TMC5: variants seen among roughly 807,000 people sequenced by gnomAD.
TMC5 encodes transmembrane channel like 5, also known as transmembrane channel-like protein 5.
A neutral mutation model predicts 110.5 loss-of-function variants in TMC5; 86 were observed. That is an observed-to-expected ratio of 0.78 (90% CI 0.65 to 0.93). The LOEUF (loss-of-function observed/expected upper bound fraction) is 0.93. Among genes scored for constraint, TMC5 ranks in the 40% least tolerant of loss-of-function variants. The pLI is 0.00. For missense variants in TMC5, 1,144 were observed against 1,222.8 expected (o/e 0.94, Z 0.96); for synonymous variants, 455 against 439.5 (o/e 1.04, Z -0.44).
chr16:19,485,824 CT>C lies in TMC5; in HGVS notation c.2364-1117del, dbSNP rs1393461548. Among the ~76,000 whole-genome samples, 3 of 152,194 alleles carry C rather than the reference CT, an allele frequency of 2.0e-5. No homozygotes were observed. In the South Asian group the frequency reaches 6.2e-4, roughly 31 times the overall value. ...TCTAGAACCACACTGAGATTTTCTC[CT>C]TTTGTTGCTCACGAGCACCGCGGGA... On this transcript the variant is annotated intron_variant, in intron 15 of 21. Transcript: ENST00000542583.
chr16:19,416,207 G>A (rs1490344728), upstream of TMC5, among the ~76,000 whole-genome samples: 3 of 150,156 alleles, frequency 2.0e-5, no homozygotes, highest in African/African-American at 5.0e-5. Context: ...AAAAAAAAGA[G>A]GAACGGTAAC....
Position 19,455,664 on chromosome 16 carries a change from T to C in TMC5, c.1049-4571T>C, listed in dbSNP as rs143046638. Reference sequence around the variant, plus strand: ...GCAAACTGTCCCCTTAGAAAGAGCATTCCTGGAAGCCACAAGTCTCATTGG... The same window carrying C: ...GCAAACTGTCCCCTTAGAAAGAGCACTCCTGGAAGCCACAAGTCTCATTGG... On this transcript the variant is annotated intron_variant, in intron 5 of 21. Coordinates refer to ENST00000542583, the MANE Select transcript of TMC5 (RefSeq NM_001261841.2). 7.2e-5 allele frequency among the ~76,000 whole-genome samples: 11 copies of C among 152,258 alleles called. No homozygotes were observed. In the East Asian group the frequency reaches 1.9e-3, roughly 27 times the overall value.
In TMC5 at chr16:19,460,248, C is replaced by A; in HGVS notation, c.1062C>A (p.Ile354=). 6.2e-7 allele frequency: 1 copy of A among 1,611,388 alleles called. No homozygotes were observed. Among genetic ancestry groups the A allele is most frequent in the Non-Finnish European group, 8.5e-7 (1 of 1,178,268 alleles). The change falls in exon 6 of 22, where the codon ATC becomes ATA. Residue 354 remains isoleucine, a synonymous_variant. Transcript: ENST00000542583. ...WHKSPQGQKL[I]ASLIPMTSRD... ...TTTCTTTCATAGGACAGAAGTTAAT[C>A]GCATCCCTTATACCCATGACATCCA... is the stretch of plus-strand genomic sequence containing the variant.
At chr16:19,431,995 T>G (rs1434086463) in intron 2 of TMC5, among the ~76,000 whole-genome samples, 1 of 152,196 alleles carries the variant, frequency 6.6e-6, no homozygotes, top group East Asian at 1.9e-4. Flanking sequence ...CCTTAGCAAT[T>G]CTGGCTGAGT....
In TMC5 at chr16:19,487,237, G is replaced by A. The variant is rs779696504; in HGVS notation, c.2484G>A (p.Arg828=). The A allele has an allele frequency of 1.9e-6, 3 of 1,614,038 alleles. No homozygotes were observed. Among genetic ancestry groups the A allele is most frequent in the East Asian group, 2.2e-5 (1 of 44,872 alleles). The change falls in exon 17 of 22, where the codon CGG becomes CGA. Residue 828 remains arginine (R), a synonymous_variant. Transcript: ENST00000542583. ...MNFQPPSKAW[R]ASQMMTFFIF... ...TCCAGCCTCCGAGCAAAGCCTGGCGGGCCTCACAGATGATGACTTTCTTCA... is the reference window on the plus strand; with the variant it reads ...TCCAGCCTCCGAGCAAAGCCTGGCGAGCCTCACAGATGATGACTTTCTTCA...
At position 19,463,840 on chromosome 16, in the gene TMC5, C is replaced by T. The variant is rs190728673; in HGVS notation, c.1301C>T (p.Thr434Met). Residue 434 changes from threonine (T) to methionine (M), a missense_variant, in exon 8 of 22, where the codon ACG becomes ATG. By Grantham distance (81) the Thr-to-Met change is moderately conservative (BLOSUM62 -1). Transcript: ENST00000542583. ...ILNSISLWQK[T>M]LKIIGGKFGT... ...AATTCCATCAGCCTGTGGCAGAAGA[C>T]GCTGAAGATCATTGGAGGCAAGTTT... 139 of 1,614,150 alleles carry T rather than the reference C, an allele frequency of 8.6e-5. No individual in the cohort carries two copies. The highest frequency in any genetic ancestry group is 1.1e-4 in the Non-Finnish European group (125 of 1,179,988).
At chr16:19,425,653 C>T (rs1011097569) in intron 1 of TMC5, among the ~76,000 whole-genome samples, 9 of 151,938 alleles carry the variant, frequency 5.9e-5, no homozygotes, top group Non-Finnish European at 1.3e-4. Flanking sequence ...TCTCAAATAC[C>T]TTCTTCATCT....
chr16:19,489,308 A>G (rs967409746), intron 17 of TMC5, among the ~76,000 whole-genome samples: 3 of 152,028 alleles, frequency 2.0e-5, no homozygotes, highest in Non-Finnish European at 4.4e-5. Flanking sequence ...CTATAGGCAC[A>G]CATCACCATG....
At chr16:19,412,385 T>G (rs528616291) in intron 1 of TMC5, among the ~76,000 whole-genome samples, 1 of 148,756 alleles carries the variant, frequency 6.7e-6, no homozygotes, top group South Asian at 2.1e-4. Flanking sequence ...TTTTTTTTTT[T>G]GAGACAGTCT....
chr16:19,439,975 G>C lies in TMC5; in HGVS notation c.-64G>C. On this transcript the variant is annotated 5_prime_UTR_variant, in exon 3 of 22. Transcript: ENST00000542583. Reference sequence around the variant, plus strand: ...TGTTTTTCAGGTGAAAAAAAAAAAAGATCCCTGAGTAATTGCAAATGCTGG... The same window carrying C: ...TGTTTTTCAGGTGAAAAAAAAAAAACATCCCTGAGTAATTGCAAATGCTGG... 8.1e-7 allele frequency: 1 copy of C among 1,234,892 alleles called. No individual in the cohort carries two copies. The highest frequency in any genetic ancestry group is 2.4e-5 in the East Asian group (1 of 41,702). 76.5% of individuals were successfully genotyped at this position (1,234,892 alleles called of 1,614,324 possible).
intron 2 of TMC5, among the ~76,000 whole-genome samples, chr16:19,433,960 C>T (rs1967246420): frequency 7.1e-6 from 1 of 141,112 alleles, no homozygotes; most frequent in Non-Finnish European, 1.5e-5. Context: ...GCTGAGATTA[C>T]AGGCATGTAC....
chr16:19,432,855 ATCTG>A (rs1199054749), intron 2 of TMC5, among the ~76,000 whole-genome samples: 9 of 152,100 alleles, frequency 5.9e-5, no homozygotes, highest in African/African-American at 1.2e-4. Context: ...CTGTCTATTT[ATCTG>A]TCTATCTAAT....
At chr16:19,467,964 T>TTTATTA (rs575430453) in intron 9 of TMC5, among the ~76,000 whole-genome samples, 1 of 151,678 alleles carries the variant, frequency 6.6e-6, no homozygotes, top group Non-Finnish European at 1.5e-5. Context: ...AGGAAATGAT[T>TTTATTA]TTATTATTAT....
intron 1 of TMC5, among the ~76,000 whole-genome samples, chr16:19,426,840 G>C (rs1967096441): frequency 6.6e-6 from 1 of 152,082 alleles, no homozygotes; most frequent in Non-Finnish European, 1.5e-5. Context: ...CTCGCTGGCT[G>C]ATCTGCAGTG....
Position 19,477,202 on chromosome 16 carries a change from C to T in TMC5, c.2091-238C>T, listed in dbSNP as rs552075685. On this transcript the variant is annotated intron_variant, in intron 12 of 21. Transcript: ENST00000542583. ...GGCGGATCTTGCAGTGAGCTGAGAT[C>T]GCGCCACTGCACTCCAGCCTGGGTG... is the stretch of plus-strand genomic sequence containing the variant. 3.1e-4 allele frequency: 107 copies of T among 349,426 alleles called. 1 individual carries two copies. The highest frequency in any genetic ancestry group is 1.4e-3 in the African/African-American group (64 of 44,864). 21.6% of individuals were successfully genotyped at this position (349,426 alleles called of 1,614,324 possible).
At chr16:19,475,802 CTTTTTTTT>C (rs1032784346) in intron 12 of TMC5, among the ~76,000 whole-genome samples, 1 of 127,358 alleles carries the variant, frequency 7.9e-6, no homozygotes, top group South Asian at 2.5e-4. Context: ...AATTTTCTTT[CTTTTTTTT>C]TTTTTTTTTT....
In TMC5 at chr16:19,442,208, A is replaced by G. The variant is rs1161270254; in HGVS notation, c.788+1382A>G. On this transcript the variant is annotated intron_variant, in intron 3 of 21. Coordinates refer to ENST00000542583, the MANE Select transcript of TMC5 (RefSeq NM_001261841.2). ...CTTCTGTCAATTTTTGTTCCTTGACAAATTTTACCAAATGCAGTTCTGGAC... is the reference window on the plus strand; with the variant it reads ...CTTCTGTCAATTTTTGTTCCTTGACGAATTTTACCAAATGCAGTTCTGGAC... 5.9e-5 allele frequency among the ~76,000 whole-genome samples: 9 copies of G among 152,236 alleles called. No individual in the cohort carries two copies. In the East Asian group the frequency reaches 1.7e-3, roughly 29 times the overall value.
intron 15 of TMC5, among the ~76,000 whole-genome samples, chr16:19,482,070 T>A (rs1338417614): frequency 6.6e-6 from 1 of 152,194 alleles, no homozygotes; most frequent in Non-Finnish European, 1.5e-5. Flanking sequence ...TTATTTATTT[T>A]TATTTTTTAG....
At chr16:19,458,160 CCT>C (rs2143553008) in intron 5 of TMC5, among the ~76,000 whole-genome samples, 1 of 152,194 alleles carries the variant, frequency 6.6e-6, no homozygotes, top group South Asian at 2.1e-4. Flanking sequence ...GACCTTCCAG[CCT>C]CTCTGCTCCT....
Sources: allele counts gnomAD v4.1 joint callset (sites outside exome capture counted in the v4.1 genomes callset), GRCh38; gene constraint gnomAD v4.1.1; transcripts MANE v1.5; gene names NCBI Gene and HGNC (gene_info 2026-07-23, HGNC 2026-07-21).